PLXNA1: variants seen among roughly 807,000 people sequenced by gnomAD.
The protein encoded by PLXNA1 is plexin-A1.
PLXNA1 carries 77 observed loss-of-function variants against 191.7 expected under a neutral mutation model. The observed-to-expected ratio is 0.40, with a 90% CI of 0.33 to 0.49. The LOEUF (loss-of-function observed/expected upper bound fraction) is 0.49. Among genes scored for constraint, PLXNA1 ranks in the 20% least tolerant of loss-of-function variants. The pLI is 0.63. For synonymous variants in PLXNA1, 1,137 were observed against 1,156.4 expected (o/e 0.98, Z 0.34); for missense variants, 2,110 against 2,660.2 (o/e 0.79, Z 4.55).
In PLXNA1 at chr3:127,020,361, C is replaced by T. The variant is rs369471297; in HGVS notation, c.4038+17C>T. Reference sequence around the variant, plus strand: ...GAGATGGAGGTAGGACCACTGGCTCCGGGGGGTCACAGGAACTCAGAGGCA... The same window carrying T: ...GAGATGGAGGTAGGACCACTGGCTCTGGGGGGTCACAGGAACTCAGAGGCA... On this transcript the variant is annotated intron_variant, in intron 21 of 31. Transcript: ENST00000393409. 1.7e-5 allele frequency: 28 copies of T among 1,610,400 alleles called. No homozygotes were observed. Among genetic ancestry groups the T allele is most frequent in the Middle Eastern group, 3.3e-4 (2 of 6,072 alleles).
Position 127,007,896 on chromosome 3 carries a change from C to A in PLXNA1, c.2095C>A (p.Arg699Ser). ...GGCTGACTGCGCCTTCCTGGAGGGC[C>A]GTGTCAACGTGTCTGAGGTAAGGCC... is the stretch of plus-strand genomic sequence containing the variant. ...NVADCAFLEG[R>S]VNVSEDCPQI... Residue 699 changes from arginine to serine, a missense_variant, in exon 9 of 32, where the codon CGT (arginine) becomes AGT (serine). Physicochemically the swap from Arg to Ser is moderately radical, Grantham distance 110 (BLOSUM62 -1). This residue lies in a region of PLXNA1 where 903 missense variants were observed against 1,015.7 expected (regional missense o/e 0.89). Coordinates refer to ENST00000393409, the MANE Select transcript of PLXNA1 (RefSeq NM_032242.4). 6.2e-7 allele frequency: 1 copy of A among 1,609,926 alleles called. No homozygotes were observed. The highest frequency in any genetic ancestry group is 1.1e-5 in the South Asian group (1 of 90,440).
At position 127,018,400 on chromosome 3, in the gene PLXNA1, T is replaced by C. The variant is rs1463096456; in HGVS notation, c.3767T>C (p.Leu1256Pro). Residue 1256 changes from leucine (L) to proline (P), a missense_variant, in exon 20 of 32, where the codon CTG becomes CCG. By Grantham distance (98) the Leu-to-Pro change is moderately conservative (BLOSUM62 -3). This residue lies in a region of PLXNA1 where 559 missense variants were observed against 911.5 expected (regional missense o/e 0.61). Coordinates refer to ENST00000393409, the MANE Select transcript of PLXNA1 (RefSeq NM_032242.4). ...IVGIGGGGGL[L>P]LLVIVAVLIA... ...GGCATTGGCGGAGGCGGGGGTCTCC[T>C]GCTGCTGGTCATCGTGGCTGTGCTC... 1 of 1,613,080 alleles carries C rather than the reference T, an allele frequency of 6.2e-7. No homozygotes were observed. The highest frequency in any genetic ancestry group is 8.5e-7 in the Non-Finnish European group (1 of 1,180,002).
chr3:127,030,437 G>T (rs1054817332), intron 29 of PLXNA1, 25 bp downstream of exon 29: 1 of 1,611,626 alleles, frequency 6.2e-7, no homozygotes, highest in Non-Finnish European at 8.5e-7. Flanking sequence ...GGGGAGGAGG[G>T]GCATCCCCCA....
chr3:127,031,408 G>A (rs1300047875), intron 29 of PLXNA1, among the ~76,000 whole-genome samples: 1 of 152,142 alleles, frequency 6.6e-6, no homozygotes, highest in African/African-American at 2.4e-5. Flanking sequence ...CACACCTGGG[G>A]TCAGGTGGAT....
Position 127,005,023 on chromosome 3 carries a change from C to G in PLXNA1, c.1743+15C>G, listed in dbSNP as rs753856121. On this transcript the variant is annotated intron_variant, in intron 6 of 31. Transcript: ENST00000393409. ...CCCAGGTCCCAGTAAGTGTGGCACC[C>G]CAGGTGGTAAGGGGTGGGGGACAGC... 6.2e-7 allele frequency: 1 copy of G among 1,608,718 alleles called. No homozygotes were observed. Among genetic ancestry groups the G allele is most frequent in the Admixed American group, 1.7e-5 (1 of 59,860 alleles).
intron 9 of PLXNA1, among the ~76,000 whole-genome samples, chr3:127,010,355 T>C (rs1459032477): frequency 6.6e-6 from 1 of 152,054 alleles, no homozygotes; most frequent in Non-Finnish European, 1.5e-5. Context: ...CCTGTCAGAG[T>C]CAGAGTCAGG....
chr3:127,029,357 C>T lies in PLXNA1; in HGVS notation c.4774-83C>T, dbSNP rs1006432100. ...TCCAGGCACAGCACTAGGGTGTCAC[C>T]GGGGTCCCCAGCCGGGGAGTGGGAG... On this transcript the variant is annotated intron_variant, in intron 26 of 31. Transcript: ENST00000393409. 111 of 1,324,886 alleles carry T rather than the reference C, an allele frequency of 8.4e-5. 2 individuals are homozygous for T. In the South Asian group the frequency reaches 1.0e-3, roughly 12 times the overall value. 82.1% of individuals were successfully genotyped at this position (1,324,886 alleles called of 1,614,324 possible). A position where few individuals can be genotyped will look rare whatever the true frequency, so the allele number is the denominator to read the frequency against.
chr3:127,003,612 G>A, intron 4 of PLXNA1, 142 bp downstream of exon 4: 1 of 995,466 alleles, frequency 1.0e-6, no homozygotes. Context: ...AAGCTGGTCT[G>A]TGCTCTGCCT....
At position 127,033,964 on chromosome 3, in the gene PLXNA1, C is replaced by T. The variant is rs1368078128; in HGVS notation, c.5638C>T (p.Arg1880Trp). The T allele has an allele frequency of 1.4e-5, 23 of 1,605,846 alleles. No homozygotes were observed. Among genetic ancestry groups the T allele is most frequent in the Middle Eastern group, 1.7e-4 (1 of 5,894 alleles). ...LEKDEQARRQRLRSKLEQVVD... is the reference protein window; with the variant it reads ...LEKDEQARRQWLRSKLEQVVD... ...GAAGGATGAGCAGGCGCGGCGGCAG[C>T]GGCTGCGGAGCAAGCTGGAGCAGGT... Residue 1880 changes from arginine to tryptophan, a missense_variant, in exon 32 of 32, where the codon CGG (arginine) becomes TGG (tryptophan). Arg to Trp is a moderately radical substitution (Grantham distance 101, BLOSUM62 -3). This residue lies in a region of PLXNA1 where 559 missense variants were observed against 911.5 expected (regional missense o/e 0.61). Transcript: ENST00000393409.
rs138195532 is a variant in PLXNA1, at chr3:127,015,312, C to A, written c.3006C>A (p.Ser1002=). Residue 1002 remains serine, a synonymous_variant, in exon 15 of 32, where the codon TCC becomes TCA. Coordinates refer to ENST00000393409, the MANE Select transcript of PLXNA1 (RefSeq NM_032242.4). ...TGTCGGTCGGTGGCCGGCCCTGCTCCTTCTCCTGGTACGGGGTGCAGGTGG... is the reference window on the plus strand; with the variant it reads ...TGTCGGTCGGTGGCCGGCCCTGCTCATTCTCCTGGTACGGGGTGCAGGTGG... ...VAVSVGGRPC[S]FSWRNSREIR... The A allele has an allele frequency of 1.9e-6, 3 of 1,602,196 alleles. No individual in the cohort carries two copies. Among genetic ancestry groups the A allele is most frequent in the South Asian group, 2.2e-5 (2 of 90,580 alleles).
Position 127,017,562 on chromosome 3 carries a change from G to T in PLXNA1, c.3414G>T (p.Val1138=). 1 of 1,613,730 alleles carries T rather than the reference G, an allele frequency of 6.2e-7. No homozygotes were observed. The highest frequency in any genetic ancestry group is 8.5e-7 in the Non-Finnish European group (1 of 1,180,020). ...FVMDNVRSLL[V]LNSTSFLYYP... ...TGGACAACGTGCGCTCCCTGCTTGTGCTCAACTCCACCTCCTTCCTCTACT... is the reference window on the plus strand; with the variant it reads ...TGGACAACGTGCGCTCCCTGCTTGTTCTCAACTCCACCTCCTTCCTCTACT... The change falls in exon 18 of 32, where the codon GTG becomes GTT. Residue 1138 remains valine, a synonymous_variant. Transcript: ENST00000393409.
Position 126,991,368 on chromosome 3 carries a change from C to T in PLXNA1, c.1195-16C>T, listed in dbSNP as rs369220942. On this transcript the variant is annotated splice_polypyrimidine_tract_variant and intron_variant, in intron 2 of 31. Coordinates refer to ENST00000393409, the MANE Select transcript of PLXNA1 (RefSeq NM_032242.4). Reference sequence around the variant, plus strand: ...AGGTGCCCGGGGAGTGGCTCTCACCCTGCCCCTTCCCACAGCCCCTGCAGA... The same window carrying T: ...AGGTGCCCGGGGAGTGGCTCTCACCTTGCCCCTTCCCACAGCCCCTGCAGA... 4.3e-5 allele frequency: 70 copies of T among 1,611,712 alleles called. No homozygotes were observed. Among genetic ancestry groups the T allele is most frequent in the Non-Finnish European group, 5.9e-5 (70 of 1,179,496 alleles).
At position 127,005,251 on chromosome 3, in the gene PLXNA1, G is replaced by GC; in HGVS notation, c.1897+12dup. 2 of 1,599,434 alleles carry GC rather than the reference G, an allele frequency of 1.3e-6. No individual in the cohort carries two copies. The highest frequency in any genetic ancestry group is 3.4e-5 in the Admixed American group (2 of 58,036). ...CCATCACGCGGGGCCAGGGTGAGTG[G>GC]CCCCAACACAATGGTGCCCGCTGCC... On this transcript the variant is annotated intron_variant, in intron 7 of 31. Transcript: ENST00000393409.
At chr3:127,013,765 C>T (rs1157825278) in intron 10 of PLXNA1, among the ~76,000 whole-genome samples, 1 of 152,196 alleles carries the variant, frequency 6.6e-6, no homozygotes, top group Non-Finnish European at 1.5e-5. Flanking sequence ...AGGTGGTCTC[C>T]AAGGGGGTGC....
At position 126,988,954 on chromosome 3, in the gene PLXNA1, G is replaced by A; in HGVS notation, c.361G>A (p.Asp121Asn). 1 of 1,613,232 alleles carries A rather than the reference G, an allele frequency of 6.2e-7. No individual in the cohort carries two copies. The highest frequency in any genetic ancestry group is 1.7e-5 in the Admixed American group (1 of 60,036). Residue 121 changes from aspartate to asparagine, a missense_variant, in exon 2 of 32, where the codon GAC (aspartate) becomes AAC (asparagine). Around this residue, in one of 4 missense-constraint regions of PLXNA1, gnomAD observed 903 missense variants for 1,015.7 expected, o/e 0.89. Coordinates refer to ENST00000393409, the MANE Select transcript of PLXNA1 (RefSeq NM_032242.4). ...CAACGTCAACAAGCTGCTGCTGCTG[G>A]ACTATGCCGCTAACCGCCTGCTGGC... ...TDNVNKLLLLDYAANRLLACG... is the reference protein window; with the variant it reads ...TDNVNKLLLLNYAANRLLACG...
chr3:127,002,050 A>G (rs1017318684), intron 3 of PLXNA1, among the ~76,000 whole-genome samples: 1 of 152,226 alleles, frequency 6.6e-6, no homozygotes, highest in Non-Finnish European at 1.5e-5. Flanking sequence ...GCACGGGTGC[A>G]CTTGGTGCGG....
intron 9 of PLXNA1, among the ~76,000 whole-genome samples, 184 bp downstream of exon 9, chr3:127,008,097 G>A (rs758775191): frequency 2.6e-5 from 4 of 152,198 alleles, no homozygotes; most frequent in Non-Finnish European, 4.4e-5. Context: ...CAGCTGGGAG[G>A]CCTGTGGGGT....
At chr3:127,027,153 G>A (rs1341195527) in intron 23 of PLXNA1, 1 of 178,180 alleles carries the variant, frequency 5.6e-6, no homozygotes, top group Non-Finnish European at 1.2e-5. Context: ...ACATTGGGTT[G>A]GGTCCACAAG....
At chr3:127,018,029 C>T in intron 19 of PLXNA1, 137 bp downstream of exon 19, 1 of 1,256,442 alleles carries the variant, frequency 8.0e-7, no homozygotes, top group Non-Finnish European at 1.1e-6. Flanking sequence ...CCAGTGCAGG[C>T]CCTGCCGTAG....
Sources: gnomAD v4.1 joint callset for allele counts (sites outside exome capture counted in the v4.1 genomes callset) on GRCh38, gnomAD v4.1.1 for gene constraint, gnomAD v4.1.1 regional missense constraint, MANE v1.5 for transcripts, NCBI Gene and HGNC (gene_info 2026-07-23, HGNC 2026-07-21) for gene names.